The following ATG10 variants were observed in gnomAD, a reference collection of about 807,000 sequenced individuals.
ATG10 encodes autophagy related 10.
Under a neutral mutation model 32.1 loss-of-function variants are expected in ATG10, and 30 were observed. The ratio of observed to expected loss-of-function variants is 0.94; its 90% CI spans 0.70 to 1.27. ATG10 has a LOEUF of 1.27. Ranked by LOEUF, ATG10 falls within the 50% of genes most tolerant of loss-of-function variation. The pLI, the probability that ATG10 is intolerant of heterozygous loss-of-function variation, is 0.00. For synonymous variants in ATG10, 87 were observed against 91.5 expected (o/e 0.95, Z 0.28); for missense variants, 233 against 262.3 (o/e 0.89, Z 0.77).
intron 2 of ATG10, among the ~76,000 whole-genome samples, chr5:82,019,580 G>A (rs1006700000): frequency 2.0e-5 from 3 of 152,162 alleles, no homozygotes; most frequent in South Asian, 4.1e-4. Context: ...CCTCCACCCC[G>A]ATATGAGAAT....
At chr5:81,995,634 G>A (rs1293142435) in intron 2 of ATG10, among the ~76,000 whole-genome samples, 2 of 151,986 alleles carry the variant, frequency 1.3e-5, no homozygotes, top group African/African-American at 2.4e-5. Context: ...AAAAAAGGGG[G>A]AAAATGTGCT....
intron 2 of ATG10, among the ~76,000 whole-genome samples, chr5:81,993,057 G>T (rs531705951): frequency 1.3e-5 from 2 of 152,022 alleles, no homozygotes; most frequent in African/African-American, 4.8e-5. Context: ...TACCATGATG[G>T]TCTGTCAGAT....
chr5:82,004,068 G>A (rs1319372288), intron 2 of ATG10, among the ~76,000 whole-genome samples: 1 of 152,134 alleles, frequency 6.6e-6, no homozygotes, highest in Non-Finnish European at 1.5e-5. Flanking sequence ...GGGAGGTGGA[G>A]GTTGCAGTGA....
intron 3 of ATG10, among the ~76,000 whole-genome samples, chr5:82,162,748 GTGACT>G (rs1300224211): frequency 5.3e-5 from 8 of 150,594 alleles, no homozygotes; most frequent in Non-Finnish European, 1.2e-4. Flanking sequence ...ATCTATAGCA[GTGACT>G]TGGCAGCACG....
chr5:82,043,483 A>C lies in ATG10; in HGVS notation c.109-15012A>C, dbSNP rs188832799. Among the ~76,000 whole-genome samples, 6 of 152,182 alleles carry C rather than the reference A, an allele frequency of 3.9e-5. No individual in the cohort carries two copies. In the East Asian group the frequency reaches 9.6e-4, roughly 24 times the overall value. ...CATTCAGCTTCTCATTACTTATGCA[A>C]ATTTCTGCAGCTGGCTTGAATTCTT... On this transcript the variant is annotated intron_variant, in intron 2 of 7. Coordinates refer to ENST00000282185, the MANE Select transcript of ATG10 (RefSeq NM_031482.5).
intron 3 of ATG10, among the ~76,000 whole-genome samples, chr5:82,106,792 C>T (rs982222554): frequency 6.6e-6 from 1 of 151,202 alleles, no homozygotes; most frequent in African/African-American, 2.4e-5. Flanking sequence ...GATTTTCCTA[C>T]CCCCTTCTAT....
chr5:82,061,998 T>A (rs1387891063), intron 3 of ATG10, among the ~76,000 whole-genome samples: 3 of 151,496 alleles, frequency 2.0e-5, no homozygotes, highest in African/African-American at 7.3e-5. Context: ...CCTAGCTGAT[T>A]TAAGAATTTT....
At chr5:82,245,324 T>C (rs888168518) in intron 5 of ATG10, among the ~76,000 whole-genome samples, 2 of 152,220 alleles carry the variant, frequency 1.3e-5, no homozygotes, top group South Asian at 2.1e-4. Context: ...AAAATCTCCA[T>C]TGGAAAATAA....
intron 3 of ATG10, among the ~76,000 whole-genome samples, chr5:82,123,193 G>A (rs534526615): frequency 2.8e-4 from 43 of 152,140 alleles, no homozygotes; most frequent in Non-Finnish European, 4.6e-4. Flanking sequence ...AAAAGAATGC[G>A]GTCATGTATT....
chr5:81,975,306 G>A (rs1760837310), intron 1 of ATG10, among the ~76,000 whole-genome samples: 1 of 152,094 alleles, frequency 6.6e-6, no homozygotes, highest in Non-Finnish European at 1.5e-5. Context: ...ACTTTGAGAA[G>A]AATGTGTATT....
At chr5:82,207,666 T>C (rs1745349510) in intron 5 of ATG10, among the ~76,000 whole-genome samples, 1 of 152,194 alleles carries the variant, frequency 6.6e-6, no homozygotes, top group Non-Finnish European at 1.5e-5. Flanking sequence ...TCCTGTATTT[T>C]TTATGCTTTT....
chr5:82,123,422 C>A (rs1766126327), intron 3 of ATG10, among the ~76,000 whole-genome samples: 1 of 151,570 alleles, frequency 6.6e-6, no homozygotes, highest in Non-Finnish European at 1.5e-5. Context: ...AGGTACTAGG[C>A]TTAATACATG....
At chr5:82,121,307 CTG>C (rs1259831055) in intron 3 of ATG10, among the ~76,000 whole-genome samples, 4 of 152,176 alleles carry the variant, frequency 2.6e-5, no homozygotes, top group Non-Finnish European at 4.4e-5. Context: ...TTAGACATAA[CTG>C]GATATCCTGA....
At chr5:82,046,981 G>GT (rs74617859) in intron 2 of ATG10, among the ~76,000 whole-genome samples, 1,974 of 137,830 alleles carry the variant, frequency 0.014, 8 homozygotes, top group African/African-American at 0.021. Context: ...GGTCATCTGT[G>GT]TTTTTTTTTT....
chr5:82,217,244 G>A (rs980669293), intron 5 of ATG10, among the ~76,000 whole-genome samples: 1 of 152,100 alleles, frequency 6.6e-6, no homozygotes, highest in Admixed American at 6.6e-5. Context: ...TTGGCCTTGG[G>A]TAAGTTACCT....
intron 5 of ATG10, among the ~76,000 whole-genome samples, chr5:82,223,750 A>G (rs1049102760): frequency 6.6e-6 from 1 of 152,236 alleles, no homozygotes; most frequent in African/African-American, 2.4e-5. Context: ...CATATATATG[A>G]TAAAGTGCTA....
At chr5:82,183,168 A>G (rs1370131314) in intron 5 of ATG10, among the ~76,000 whole-genome samples, 2 of 152,160 alleles carry the variant, frequency 1.3e-5, no homozygotes, top group African/African-American at 4.8e-5. Flanking sequence ...AATTATTAAT[A>G]ATTTCTTAAT....
chr5:82,246,983 T>C (rs1194256734), intron 5 of ATG10, among the ~76,000 whole-genome samples: 3 of 152,340 alleles, frequency 2.0e-5, no homozygotes, highest in East Asian at 3.9e-4. Context: ...TGCTCCTATC[T>C]GGACTGATAA....
intron 3 of ATG10, among the ~76,000 whole-genome samples, chr5:82,160,616 C>T (rs1743284017): frequency 6.6e-6 from 1 of 152,144 alleles, no homozygotes; most frequent in Non-Finnish European, 1.5e-5. Context: ...TATATTCCAA[C>T]CAGCAATGTA....
Sources: allele counts gnomAD v4.1 joint callset (sites outside exome capture counted in the v4.1 genomes callset), GRCh38; gene constraint gnomAD v4.1.1; transcripts MANE v1.5; gene names NCBI Gene and HGNC (gene_info 2026-07-23, HGNC 2026-07-21).